Variants in XKR9 observed in about 807,000 individuals in gnomAD.
The protein encoded by XKR9 is XK related 9.
In XKR9, 32 loss-of-function variants were observed where a neutral mutation model predicts 32.0. The ratio of observed to expected loss-of-function variants is 1.00; its 90% confidence interval spans 0.76 to 1.34. The LOEUF (loss-of-function observed/expected upper bound fraction) is 1.34, where lower values mean the gene tolerates loss of function less well. Ranked by LOEUF, XKR9 falls within the 40% of genes most tolerant of loss-of-function variation. The pLI, the probability that XKR9 is intolerant of heterozygous loss-of-function variation, is 0.00. For synonymous variants in XKR9, 168 were observed against 143.4 expected, an observed-to-expected ratio of 1.17 and a Z score of -1.22; for missense variants, 546 against 429.7, an observed-to-expected ratio of 1.27 and a Z score of -2.39.
the XKR9 span, among the ~76,000 whole-genome samples, chr8:70,939,845 C>T: frequency 6.6e-6 from 1 of 152,004 alleles, no homozygotes; most frequent in Non-Finnish European, 1.5e-5. Flanking sequence ...ACATTAAGAA[C>T]AAAAACATTT....
the XKR9 span, among the ~76,000 whole-genome samples, chr8:70,852,645 T>A: frequency 6.6e-6 from 1 of 152,178 alleles, no homozygotes; most frequent in Admixed American, 6.5e-5. Context: ...GTGGCATATA[T>A]ACACCATGGA....
the XKR9 span, among the ~76,000 whole-genome samples, chr8:70,924,959 A>G: frequency 6.6e-6 from 1 of 151,602 alleles, no homozygotes; most frequent in Non-Finnish European, 1.5e-5. Flanking sequence ...GAGCATCAAA[A>G]TTTAATGTTA....
the XKR9 span, among the ~76,000 whole-genome samples, chr8:70,895,382 G>A: frequency 1.3e-5 from 2 of 152,108 alleles, no homozygotes; most frequent in Non-Finnish European, 2.9e-5. Flanking sequence ...GTCTTTGTGA[G>A]GGGAATGGGC....
the XKR9 span, among the ~76,000 whole-genome samples, chr8:70,908,288 A>C: frequency 1.3e-5 from 2 of 152,230 alleles, no homozygotes. Context: ...TTATAATTAC[A>C]ACTATAAGCC....
chr8:70,901,990 A>C, the XKR9 span, among the ~76,000 whole-genome samples: 1 of 152,084 alleles, frequency 6.6e-6, no homozygotes, highest in Non-Finnish European at 1.5e-5. Flanking sequence ...ATTATTTCTG[A>C]GGTCTCCATT....
the XKR9 span, among the ~76,000 whole-genome samples, chr8:71,064,113 G>C: frequency 6.6e-6 from 1 of 151,984 alleles, no homozygotes; most frequent in Admixed American, 6.6e-5. Flanking sequence ...CATATCTTTA[G>C]ACATAAAATC....
the XKR9 span, among the ~76,000 whole-genome samples, chr8:70,829,594 G>A: frequency 6.6e-6 from 1 of 152,008 alleles, no homozygotes; most frequent in Non-Finnish European, 1.5e-5. Context: ...GACTACAGGC[G>A]CCCGCTACCA....
chr8:70,673,697 G>A (rs1435133563), intron 1 of XKR9, among the ~76,000 whole-genome samples: 11 of 152,002 alleles, frequency 7.2e-5, no homozygotes, highest in South Asian at 2.1e-4. Context: ...CCCAGGAGGC[G>A]GAGGTTGCAG....
the XKR9 span, among the ~76,000 whole-genome samples, chr8:70,978,301 C>T: frequency 6.6e-6 from 1 of 152,098 alleles, no homozygotes; most frequent in Non-Finnish European, 1.5e-5. Flanking sequence ...TTATTTTGCT[C>T]ATTAGTTGAT....
chr8:70,813,734 C>T, the XKR9 span, among the ~76,000 whole-genome samples: 9 of 152,126 alleles, frequency 5.9e-5, no homozygotes, highest in African/African-American at 9.7e-5. Context: ...AAATCAAAAC[C>T]GCAATGAGAT....
the XKR9 span, among the ~76,000 whole-genome samples, chr8:70,810,133 C>A: frequency 1.6e-3 from 251 of 152,282 alleles, 5 homozygotes; most frequent in South Asian, 0.049. Flanking sequence ...GGGGGCCAAT[C>A]TTCAACATTG....
chr8:70,772,050 T>G (rs1807460734), intron 2 of XKR9, among the ~76,000 whole-genome samples: 1 of 152,206 alleles, frequency 6.6e-6, no homozygotes, highest in Non-Finnish European at 1.5e-5. Context: ...TATAGTTAAA[T>G]TTTATTTGAG....
At chr8:70,985,365 A>T in the XKR9 span, among the ~76,000 whole-genome samples, 1 of 152,184 alleles carries the variant, frequency 6.6e-6, no homozygotes, top group Non-Finnish European at 1.5e-5. Context: ...GCTGCATAGT[A>T]TTCCATGGTG....
At chr8:70,980,262 C>T in the XKR9 span, among the ~76,000 whole-genome samples, 1,463 of 152,306 alleles carry the variant, frequency 9.6e-3, 23 homozygotes, top group African/African-American at 0.034. Flanking sequence ...CCTCTGTGGG[C>T]TGCACCCACT....
At chr8:70,809,972 C>A in the XKR9 span, among the ~76,000 whole-genome samples, 1 of 152,028 alleles carries the variant, frequency 6.6e-6, no homozygotes, top group Non-Finnish European at 1.5e-5. Flanking sequence ...AAGAGCAACT[C>A]CAAGACACAT....
At chr8:70,768,380 G>A (rs1418089619) in intron 2 of XKR9, among the ~76,000 whole-genome samples, 5 of 152,142 alleles carry the variant, frequency 3.3e-5, no homozygotes, top group African/African-American at 9.7e-5. Flanking sequence ...ATGGTGGTGA[G>A]AAGAATATAT....
the XKR9 span, among the ~76,000 whole-genome samples, chr8:70,851,662 G>A: frequency 6.6e-6 from 1 of 152,134 alleles, no homozygotes; most frequent in Non-Finnish European, 1.5e-5. Flanking sequence ...CAAGAAGCCT[G>A]ACAAAAACAA....
the XKR9 span, among the ~76,000 whole-genome samples, chr8:70,895,293 TG>T: frequency 2.0e-5 from 3 of 152,172 alleles, no homozygotes; most frequent in East Asian, 5.8e-4. Context: ...CCAGGGTTTT[TG>T]TTATGCCTCA....
At chr8:71,004,003 G>A in the XKR9 span, among the ~76,000 whole-genome samples, 3 of 151,270 alleles carry the variant, frequency 2.0e-5, no homozygotes, top group South Asian at 2.1e-4. Context: ...ATAAAGAAGG[G>A]CATCATGGGC....
Sources: allele counts gnomAD v4.1 joint callset (sites outside exome capture counted in the v4.1 genomes callset), GRCh38; gene constraint gnomAD v4.1.1; transcripts MANE v1.5; gene names NCBI Gene and HGNC (gene_info 2026-07-23, HGNC 2026-07-21).